Variants in CD84 observed in about 807,000 individuals in gnomAD.
The protein encoded by CD84 is CD84 molecule.
A neutral mutation model predicts 33.8 loss-of-function variants in CD84; 22 were observed. The observed-to-expected ratio is 0.65, with a 90% CI of 0.46 to 0.93. The LOEUF (loss-of-function observed/expected upper bound fraction) is 0.93. CD84 is among the 40% of genes least tolerant of loss of function. CD84 has a pLI of 0.00. For missense variants in CD84, 400 were observed against 397.6 expected, an observed-to-expected ratio of 1.01 and a Z score of -0.05; for synonymous variants, 154 against 145.2, an observed-to-expected ratio of 1.06 and a Z score of -0.44.
chr1:160,552,661 C>A, intron 4 of CD84: 2 of 1,389,930 alleles, frequency 1.4e-6, no homozygotes, highest in Admixed American at 2.0e-5. Context: ...AACTCCCCAT[C>A]CCTCCCAATT....
chr1:160,553,757 T>G lies in CD84; in HGVS notation c.640+138A>C. ...TTGGCCTCTTTCCCAGTAGGCTTCT[T>G]GGGAGGTGATGCCCTCAGTGACCAG... is the stretch of plus-strand genomic sequence containing the variant. On this transcript the variant is annotated intron_variant, in intron 3 of 6. Transcript: ENST00000368054. 4 of 1,367,500 alleles carry G rather than the reference T, an allele frequency of 2.9e-6. No individual in the cohort carries two copies. In the South Asian group the frequency reaches 5.5e-5, roughly 19 times the overall value. The allele number at this position is 1,367,500 out of a possible 1,614,324, so 84.7% of individuals were successfully genotyped here. A position where few individuals can be genotyped will look rare whatever the true frequency, so the allele number is the denominator to read the frequency against.
At chr1:160,575,845 T>C (rs1329694540) in intron 1 of CD84, among the ~76,000 whole-genome samples, 1 of 152,134 alleles carries the variant, frequency 6.6e-6, no homozygotes, top group Non-Finnish European at 1.5e-5. Flanking sequence ...CTTGTTGGCC[T>C]CCATATTGAT....
At chr1:160,562,214 T>C (rs555425704) in intron 2 of CD84, among the ~76,000 whole-genome samples, 2 of 152,248 alleles carry the variant, frequency 1.3e-5, no homozygotes, top group East Asian at 3.9e-4. Flanking sequence ...CTTCATAGAA[T>C]TAGAAAAAAC....
chr1:160,549,450 G>A (rs3766387), intron 6 of CD84, among the ~76,000 whole-genome samples: 51,614 of 151,826 alleles, frequency 0.34, 9,231 homozygotes, highest in Middle Eastern at 0.45. Context: ...AAGGCACTTG[G>A]CACTACAAAT....
chr1:160,575,868 T>C (rs1657968482), intron 1 of CD84, among the ~76,000 whole-genome samples: 1 of 152,196 alleles, frequency 6.6e-6, no homozygotes, highest in Non-Finnish European at 1.5e-5. Flanking sequence ...CCAGGACTGC[T>C]TCAAGCACTT....
Position 160,562,045 on chromosome 1 carries a change from G to T in CD84, c.388+3359C>A, listed in dbSNP as rs1053544838. Among the ~76,000 whole-genome samples, 25 of 152,202 alleles carry T rather than the reference G, an allele frequency of 1.6e-4. 1 individual carries two copies. The highest frequency in any genetic ancestry group is 5.5e-4 in the African/African-American group (23 of 41,540). On this transcript the variant is annotated intron_variant, in intron 2 of 6. Coordinates refer to ENST00000368054, the MANE Select transcript of CD84 (RefSeq NM_003874.4). Reference sequence around the variant, plus strand: ...GGAAAGTGAAGGACCTCTTCAAGGGGAACTACAAACCACTGCTCAAAGAAA... The same window carrying T: ...GGAAAGTGAAGGACCTCTTCAAGGGTAACTACAAACCACTGCTCAAAGAAA...
Position 160,546,052 on chromosome 1 carries a change from G to C in CD84, c.*2204C>G, listed in dbSNP as rs1156504816. On this transcript the variant is annotated 3_prime_UTR_variant, in exon 7 of 7. Transcript: ENST00000368054. ...CTCCCAGGCTGGAGTGCAGTGGTGT[G>C]ATCTCAGCTCACTGCAACCTCCACT... The C allele has an allele frequency of 6.6e-6, 1 of 151,026 alleles. No individual in the cohort carries two copies. Among genetic ancestry groups the C allele is most frequent in the African/African-American group, 2.4e-5 (1 of 40,944 alleles). The allele number at this position is 151,026 out of a possible 1,614,324, so 9.4% of individuals were successfully genotyped here.
chr1:160,555,928 C>G (rs1031240522), intron 2 of CD84, among the ~76,000 whole-genome samples: 3 of 152,114 alleles, frequency 2.0e-5, no homozygotes, highest in Non-Finnish European at 4.4e-5. Flanking sequence ...GGGATCTATT[C>G]CATATTAGAA....
intron 1 of CD84, among the ~76,000 whole-genome samples, chr1:160,575,951 CCT>C (rs1206148570): frequency 6.6e-6 from 1 of 152,142 alleles, no homozygotes; most frequent in Non-Finnish European, 1.5e-5. Flanking sequence ...AGCTTTCCAC[CCT>C]CTGTTTGGAA....
intron 1 of CD84, among the ~76,000 whole-genome samples, chr1:160,566,692 T>C (rs546360412): frequency 6.6e-6 from 1 of 152,124 alleles, no homozygotes; most frequent in East Asian, 1.9e-4. Flanking sequence ...TAGAAACAAA[T>C]GGATAGGCAC....
intron 1 of CD84, among the ~76,000 whole-genome samples, chr1:160,572,867 G>A (rs1657778034): frequency 6.6e-6 from 1 of 152,170 alleles, no homozygotes; most frequent in Non-Finnish European, 1.5e-5. Context: ...AGGTAGCTAT[G>A]GCAAAGAGGG....
chr1:160,549,311 T>A (rs529500299), intron 6 of CD84, among the ~76,000 whole-genome samples: 1 of 152,296 alleles, frequency 6.6e-6, no homozygotes, highest in South Asian at 2.1e-4. Context: ...ACCCTAAAGC[T>A]GTCCTGATTG....
At chr1:160,554,464 A>C (rs1656471328) in intron 2 of CD84, among the ~76,000 whole-genome samples, 1 of 152,168 alleles carries the variant, frequency 6.6e-6, no homozygotes, top group Non-Finnish European at 1.5e-5. Context: ...GTATTACCCC[A>C]CAGAAATTTG....
intron 3 of CD84, 158 bp from the exon 4 acceptor site, chr1:160,553,655 G>A: frequency 9.9e-7 from 1 of 1,008,330 alleles, no homozygotes; most frequent in Non-Finnish European, 1.5e-6. Context: ...TAAAAGCCAG[G>A]ATGAGAAATT....
rs539849024 is a variant in CD84 at position 160,545,787 on chromosome 1, G to C, written c.*2469C>G. Reference sequence around the variant, plus strand: ...TGGGATTACAGGTGTGCACCACCACGCCCAGCTAATTTTTTTGTATTTTAA... The same window carrying C: ...TGGGATTACAGGTGTGCACCACCACCCCCAGCTAATTTTTTTGTATTTTAA... On this transcript the variant is annotated 3_prime_UTR_variant, in exon 7 of 7. Coordinates refer to ENST00000368054, the MANE Select transcript of CD84 (RefSeq NM_003874.4). 1 of 151,326 alleles carries C rather than the reference G, an allele frequency of 6.6e-6. No homozygotes were observed. The highest frequency in any genetic ancestry group is 1.5e-5 in the Non-Finnish European group (1 of 67,890). 9.4% of individuals were successfully genotyped at this position (151,326 alleles called of 1,614,324 possible).
intron 6 of CD84, 22 bp downstream of exon 6, chr1:160,549,895 T>A: frequency 6.3e-7 from 1 of 1,583,214 alleles, no homozygotes; most frequent in Non-Finnish European, 8.7e-7. Flanking sequence ...AAAGCAAGGA[T>A]AAAAAGCCAG....
chr1:160,567,990 T>C (rs1657432845), intron 1 of CD84, among the ~76,000 whole-genome samples: 1 of 152,008 alleles, frequency 6.6e-6, no homozygotes, highest in Non-Finnish European at 1.5e-5. Flanking sequence ...GGCCCTCCAT[T>C]TTCGTTTTGC....
chr1:160,573,100 T>A lies in CD84; in HGVS notation c.46+6292A>T, dbSNP rs556401129. 8.9e-4 allele frequency among the ~76,000 whole-genome samples: 135 copies of A among 152,234 alleles called. 1 individual carries two copies. Among genetic ancestry groups the A allele is most frequent in the African/African-American group, 3.1e-3 (129 of 41,552 alleles). On this transcript the variant is annotated intron_variant, in intron 1 of 6. Coordinates refer to ENST00000368054, the MANE Select transcript of CD84 (RefSeq NM_003874.4). ...TCATGGTTAGGCAGCTCAAAGCCAC[T>A]GACTAGAAGAAGACAATAGGGATCG...
At chr1:160,554,967 T>C (rs1656506558) in intron 2 of CD84, among the ~76,000 whole-genome samples, 1 of 151,856 alleles carries the variant, frequency 6.6e-6, no homozygotes, top group South Asian at 2.1e-4. Context: ...GTGCTACACA[T>C]CCTTCAAGTC....
Sources: allele counts gnomAD v4.1 joint callset (sites outside exome capture counted in the v4.1 genomes callset), GRCh38; gene constraint gnomAD v4.1.1; transcripts MANE v1.5; gene names NCBI Gene and HGNC (gene_info 2026-07-23, HGNC 2026-07-21).